Variants in MYO16 observed in about 807,000 individuals in gnomAD.
MYO16 encodes unconventional myosin-XVI.
Under a neutral mutation model 205.3 loss-of-function variants are expected in MYO16, and 94 were observed. That is an observed-to-expected ratio of 0.46 (90% confidence interval 0.39 to 0.54). The LOEUF is 0.54. MYO16 is among the 20% of genes least tolerant of loss of function. The pLI, the probability that MYO16 is intolerant of heterozygous loss-of-function variation, is 0.00. For synonymous variants in MYO16, 988 were observed against 954.0 expected (o/e 1.04, Z -0.66); for missense variants, 2,315 against 2,387.5 (o/e 0.97, Z 0.63).
intron 6 of MYO16, 59 bp downstream of exon 6, chr13:108,793,699 A>G (rs879193041): frequency 3.3e-6 from 5 of 1,497,990 alleles, no homozygotes; most frequent in South Asian, 2.5e-5. Context: ...TTGATCTATA[A>G]AACATAGAAT....
At chr13:108,973,109 A>T (rs1299597371) in intron 20 of MYO16, among the ~76,000 whole-genome samples, 1 of 152,084 alleles carries the variant, frequency 6.6e-6, no homozygotes, top group Non-Finnish European at 1.5e-5. Context: ...AATGTCTTTC[A>T]CCGAGAAGCA....
At chr13:108,851,757 C>A (rs1010344448) in intron 10 of MYO16, among the ~76,000 whole-genome samples, 1 of 152,140 alleles carries the variant, frequency 6.6e-6, no homozygotes, top group Non-Finnish European at 1.5e-5. Flanking sequence ...GCTAGCTGGT[C>A]TCACCACTCC....
At chr13:109,112,119 T>A (rs773560033) in intron 28 of MYO16, among the ~76,000 whole-genome samples, 1 of 152,214 alleles carries the variant, frequency 6.6e-6, no homozygotes, top group Non-Finnish European at 1.5e-5. Context: ...CACATTGGTT[T>A]TCTGCTTCAG....
chr13:109,188,833 C>A (rs1879792772), intron 34 of MYO16, among the ~76,000 whole-genome samples: 1 of 152,166 alleles, frequency 6.6e-6, no homozygotes, highest in Non-Finnish European at 1.5e-5. Flanking sequence ...GTGGCTCATG[C>A]CTGTAATCCC....
At chr13:109,120,088 A>G (rs751913634) in intron 28 of MYO16, among the ~76,000 whole-genome samples, 1 of 152,222 alleles carries the variant, frequency 6.6e-6, no homozygotes, top group Non-Finnish European at 1.5e-5. Context: ...ACTGATAGTC[A>G]AGGCCAGTGT....
intron 23 of MYO16, among the ~76,000 whole-genome samples, chr13:109,023,577 ATATT>A (rs1446195814): frequency 2.4e-5 from 3 of 125,660 alleles, no homozygotes; most frequent in Middle Eastern, 0.012. Flanking sequence ...ATACATGTAT[ATATT>A]TATATATACA....
At chr13:109,014,960 C>T (rs1566461734) in intron 22 of MYO16, among the ~76,000 whole-genome samples, 1 of 152,180 alleles carries the variant, frequency 6.6e-6, no homozygotes, top group Non-Finnish European at 1.5e-5. Flanking sequence ...TTATTTATTT[C>T]CCTTGCCTGA....
rs1307396858 is a variant in MYO16 at position 109,127,379 on chromosome 13, A to G, written c.3880A>G (p.Ile1294Val). The G allele has an allele frequency of 2.5e-6, 4 of 1,613,940 alleles. No individual in the cohort carries two copies. Among genetic ancestry groups the G allele is most frequent in the Non-Finnish European group, 2.5e-6 (3 of 1,179,962 alleles). ...GGGCCAGTGCCTCGTTGGCCCGTCC[A>G]TCTGGTCTCCTTCGCTGCACTCGGT... ...GLGQCLVGPS[I>V]WSPSLHSVFS... The change falls in exon 31 of 35, where the codon ATC becomes GTC. Residue 1294 changes from isoleucine to valine, a missense_variant. Physicochemically the swap from Ile to Val is conservative, Grantham distance 29 (BLOSUM62 3). Around this residue, in one of 3 missense-constraint regions of MYO16, gnomAD observed 1,097 missense variants for 1,092.0 expected, o/e 1.00. Coordinates refer to ENST00000457511, the MANE Select transcript of MYO16 (RefSeq NM_001198950.3). The surrounding 1 kb of genome is among the most constrained non-coding windows in gnomAD (Gnocchi z 4.2).
chr13:109,096,207 G>T (rs1014158893), intron 27 of MYO16, among the ~76,000 whole-genome samples: 2 of 152,200 alleles, frequency 1.3e-5, no homozygotes, highest in Admixed American at 1.3e-4. Context: ...TGAAACTCTG[G>T]GTGGCATCCG....
intron 29 of MYO16, among the ~76,000 whole-genome samples, chr13:109,123,483 C>A (rs555795910): frequency 2.8e-4 from 43 of 152,230 alleles, no homozygotes; most frequent in African/African-American, 9.9e-4. Flanking sequence ...AGTGAACAGG[C>A]CAATTTCAAG....
At position 108,962,368 on chromosome 13, in the gene MYO16, T is replaced by C. The variant is rs185645034; in HGVS notation, c.2156-56T>C. On this transcript the variant is annotated intron_variant, in intron 18 of 34. Transcript: ENST00000457511. ...TCAATTATGGCCATAAAATTCAATG[T>C]TCTTGGTATCAAAAAATATACTAAC... is the stretch of plus-strand genomic sequence containing the variant. The C allele has an allele frequency of 1.7e-5, 24 of 1,392,038 alleles. No individual in the cohort carries two copies. In the East Asian group the frequency reaches 3.0e-4, roughly 17 times the overall value. The allele number at this position is 1,392,038 out of a possible 1,614,324, so 86.2% of individuals were successfully genotyped here. A position where few individuals can be genotyped will look rare whatever the true frequency, so the allele number is the denominator to read the frequency against.
intron 16 of MYO16, among the ~76,000 whole-genome samples, chr13:108,922,726 A>G (rs747120901): frequency 1.3e-5 from 2 of 152,230 alleles, no homozygotes; most frequent in Non-Finnish European, 2.9e-5. Flanking sequence ...GTAGAATCCT[A>G]TGATAAAAAC....
chr13:109,101,181 C>T, intron 28 of MYO16: 1 of 276,954 alleles, frequency 3.6e-6, no homozygotes, highest in Non-Finnish European at 7.1e-6. Context: ...GTCAGTAAAG[C>T]ATTTTGTCAT....
the MYO16 span, among the ~76,000 whole-genome samples, chr13:108,547,287 A>G: frequency 3.3e-5 from 5 of 151,838 alleles, no homozygotes; most frequent in East Asian, 3.9e-4. Context: ...AAAAAAAAAA[A>G]AAGAAGGATA....
upstream of MYO16, among the ~76,000 whole-genome samples, chr13:108,625,384 C>G (rs570916711): frequency 1.3e-5 from 2 of 152,226 alleles, no homozygotes; most frequent in East Asian, 3.9e-4. Context: ...CCTGAGGCAC[C>G]AGGGGTTGAC....
chr13:108,593,351 C>T (rs1382261110), upstream of MYO16, among the ~76,000 whole-genome samples: 2 of 152,110 alleles, frequency 1.3e-5, no homozygotes, highest in African/African-American at 2.4e-5. Flanking sequence ...TTGGGTCAAT[C>T]CAACAGAACA....
chr13:108,534,047 A>G, the MYO16 span, among the ~76,000 whole-genome samples: 1 of 152,210 alleles, frequency 6.6e-6, no homozygotes, highest in Non-Finnish European at 1.5e-5. Flanking sequence ...GCTAATTACT[A>G]TAATCATTAC....
At chr13:109,188,011 C>T (rs1041046772) in intron 34 of MYO16, among the ~76,000 whole-genome samples, 2 of 152,188 alleles carry the variant, frequency 1.3e-5, no homozygotes, top group Non-Finnish European at 2.9e-5. Flanking sequence ...TTGCCTCATG[C>T]ATTTGGAAGC....
chr13:108,571,775 G>GAAA, the MYO16 span, among the ~76,000 whole-genome samples: 1 of 138,134 alleles, frequency 7.2e-6, no homozygotes, highest in Non-Finnish European at 1.6e-5. Flanking sequence ...TTCTATATTT[G>GAAA]AAAAAAAAAA....
Sources: allele counts gnomAD v4.1 joint callset (sites outside exome capture counted in the v4.1 genomes callset), GRCh38; gene constraint gnomAD v4.1.1; regional missense constraint gnomAD v4.1.1; non-coding constraint Gnocchi (gnomAD v3.1); transcripts MANE v1.5; gene names NCBI Gene and HGNC (gene_info 2026-07-23, HGNC 2026-07-21).